Variants in PCP4L1 observed in about 807,000 individuals in gnomAD.
PCP4L1 encodes Purkinje cell protein 4-like protein 1.
Under a neutral mutation model 9.6 loss-of-function variants are expected in PCP4L1, and 9 were observed. That is an observed-to-expected ratio of 0.94 (90% CI 0.57 to 1.64). The LOEUF is 1.64. Ranked by LOEUF, PCP4L1 falls within the 40% of genes most tolerant of loss-of-function variation. The pLI is 0.00. For missense variants in PCP4L1, 81 were observed against 80.8 expected (o/e 1.00, Z -0.01); for synonymous variants, 31 against 28.2 (o/e 1.10, Z -0.31).
At chr1:161,282,628 A>C (rs1406949944) in intron 1 of PCP4L1, among the ~76,000 whole-genome samples, 4 of 152,174 alleles carry the variant, frequency 2.6e-5, no homozygotes, top group African/African-American at 9.7e-5. Flanking sequence ...TCAACTGTTT[A>C]TAAAAGCATC....
At chr1:161,276,038 G>A (rs1029370984) in intron 1 of PCP4L1, among the ~76,000 whole-genome samples, 1 of 151,930 alleles carries the variant, frequency 6.6e-6, no homozygotes, top group Non-Finnish European at 1.5e-5. Flanking sequence ...CAAATGATCC[G>A]CCTGCTTCGG....
chr1:161,261,567 A>G (rs1252292843), intron 1 of PCP4L1, among the ~76,000 whole-genome samples: 1 of 152,188 alleles, frequency 6.6e-6, no homozygotes, highest in Non-Finnish European at 1.5e-5. Context: ...GGAATGAGAG[A>G]TGTGTTCAGT....
At chr1:161,276,064 G>A (rs779952540) in intron 1 of PCP4L1, among the ~76,000 whole-genome samples, 50 of 152,170 alleles carry the variant, frequency 3.3e-4, no homozygotes, top group Non-Finnish European at 5.1e-4. Flanking sequence ...CAAAGTGCTG[G>A]GATTACAGGT....
chr1:161,266,258 C>G (rs1354691509), intron 1 of PCP4L1, among the ~76,000 whole-genome samples: 1 of 152,178 alleles, frequency 6.6e-6, no homozygotes, highest in Non-Finnish European at 1.5e-5. Context: ...AGCCCTCCAG[C>G]TGAGTGTTTG....
At chr1:161,277,685 G>C (rs1250743663) in intron 1 of PCP4L1, among the ~76,000 whole-genome samples, 4 of 152,108 alleles carry the variant, frequency 2.6e-5, no homozygotes, top group Non-Finnish European at 5.9e-5. Flanking sequence ...TTAGGGTCTA[G>C]TTGTGTTGCC....
Position 161,264,046 on chromosome 1 carries a change from A to AT in PCP4L1, c.9+5065dup, listed in dbSNP as rs573852346. On this transcript the variant is annotated intron_variant, in intron 1 of 2. Transcript: ENST00000504449. ...TGCCTCAGCCTCCCAAGTAGCTGAG[A>AT]TTACAGGCGTGTATCACCAGGCCCG... Among the ~76,000 whole-genome samples the AT allele has an allele frequency of 1.3e-3, 200 of 151,274 alleles. 1 individual carries two copies. The highest frequency in any genetic ancestry group is 4.6e-3 in the African/African-American group (190 of 41,258).
At chr1:161,281,772 TCCTCACATCCCGGACGGGGCGGCG>T (rs1669814349) in intron 1 of PCP4L1, among the ~76,000 whole-genome samples, 2 of 26,462 alleles carry the variant, frequency 7.6e-5, no homozygotes, top group Admixed American at 4.6e-4. Flanking sequence ...GCAGAGGCGC[TCCTCACATCCCGGACGGGGCGGCG>T]GGGCAGAGGC....
intron 1 of PCP4L1, among the ~76,000 whole-genome samples, chr1:161,278,616 G>A (rs763216172): frequency 5.3e-4 from 81 of 151,858 alleles, no homozygotes; most frequent in Non-Finnish European, 1.0e-3. Flanking sequence ...TTAAAAACAT[G>A]ACAGACCATG....
intron 1 of PCP4L1, among the ~76,000 whole-genome samples, chr1:161,263,433 T>C (rs1233203352): frequency 6.6e-6 from 1 of 151,974 alleles, no homozygotes; most frequent in African/African-American, 2.4e-5. Flanking sequence ...GAGATGGGGT[T>C]TCACTATGTT....
At position 161,263,394 on chromosome 1, in the gene PCP4L1, C is replaced by T. The variant is rs572953190; in HGVS notation, c.9+4411C>T. 9.2e-5 allele frequency among the ~76,000 whole-genome samples: 14 copies of T among 151,440 alleles called. No homozygotes were observed. The South Asian group carries it at 1.0e-3, about 11-fold the overall frequency. ...CTGGGATTACAGGCACTCGCCACCA[C>T]GCCCGGCTAATTTTTTGTATTTTTA... On this transcript the variant is annotated intron_variant, in intron 1 of 2. Coordinates refer to ENST00000504449, the MANE Select transcript of PCP4L1 (RefSeq NM_001102566.2).
At chr1:161,278,420 CTTCT>C (rs1669738224) in intron 1 of PCP4L1, among the ~76,000 whole-genome samples, 1 of 151,388 alleles carries the variant, frequency 6.6e-6, no homozygotes, top group Non-Finnish European at 1.5e-5. Context: ...TCCTTCCTTC[CTTCT>C]TTTTTTTCTT....
At chr1:161,265,186 T>C (rs1310745433) in intron 1 of PCP4L1, among the ~76,000 whole-genome samples, 1 of 152,180 alleles carries the variant, frequency 6.6e-6, no homozygotes, top group East Asian at 1.9e-4. Context: ...TATTCAGTCC[T>C]CTTTCGTTTG....
At chr1:161,259,420 C>T (rs866360194) in intron 1 of PCP4L1, among the ~76,000 whole-genome samples, 1 of 152,162 alleles carries the variant, frequency 6.6e-6, no homozygotes, top group African/African-American at 2.4e-5. Flanking sequence ...CCATCCCTGG[C>T]CCCCGGGGAG....
intron 2 of PCP4L1, among the ~76,000 whole-genome samples, chr1:161,284,068 T>C (rs1223287349): frequency 6.6e-6 from 1 of 152,218 alleles, no homozygotes; most frequent in Non-Finnish European, 1.5e-5. Flanking sequence ...GAACTTGAAC[T>C]GTAGGATTTA....
chr1:161,278,046 C>T (rs1669730981), intron 1 of PCP4L1, among the ~76,000 whole-genome samples: 1 of 152,174 alleles, frequency 6.6e-6, no homozygotes, highest in South Asian at 2.1e-4. Context: ...CAAGATATCA[C>T]TCTGGTAATT....
chr1:161,264,212 C>T (rs1571791025), intron 1 of PCP4L1, among the ~76,000 whole-genome samples: 1 of 151,758 alleles, frequency 6.6e-6, no homozygotes, highest in African/African-American at 2.4e-5. Context: ...CATGCCTAGC[C>T]TCAAGTACTT....
At chr1:161,266,480 G>C (rs572343661) in intron 1 of PCP4L1, among the ~76,000 whole-genome samples, 2 of 152,312 alleles carry the variant, frequency 1.3e-5, no homozygotes, top group Non-Finnish European at 2.9e-5. Context: ...GCCCATGCTG[G>C]GGGGAACAGG....
chr1:161,263,899 CTTTTTTTTTTTTTTTT>C (rs1160429112), intron 1 of PCP4L1, among the ~76,000 whole-genome samples: 1 of 70,768 alleles, frequency 1.4e-5, no homozygotes, highest in Non-Finnish European at 2.6e-5. Context: ...ACTTTCTTTC[CTTTTTTTTTTTTTTTT>C]TTTTTTTTTT....
At chr1:161,265,126 G>A (rs1187987198) in intron 1 of PCP4L1, among the ~76,000 whole-genome samples, 3 of 152,298 alleles carry the variant, frequency 2.0e-5, no homozygotes, top group Admixed American at 1.3e-4. Context: ...TTGCAGGCAA[G>A]CAGGTGTCTA....
Sources: gnomAD v4.1 joint callset for allele counts (sites outside exome capture counted in the v4.1 genomes callset) on GRCh38, gnomAD v4.1.1 for gene constraint, MANE v1.5 for transcripts, NCBI Gene and HGNC (gene_info 2026-07-23, HGNC 2026-07-21) for gene names.